The following ZNF680 variants were observed in gnomAD, a reference collection of about 807,000 sequenced individuals.
ZNF680 encodes hypothetical protein FLJ90430.
Under a neutral mutation model 12.1 loss-of-function variants are expected in ZNF680, and 6 were observed. The observed-to-expected ratio is 0.49, with a 90% CI of 0.27 to 0.98. The LOEUF is 0.98. Ranked by LOEUF, ZNF680 falls within the 50% of genes least tolerant of loss-of-function variation. The pLI is 0.12. For synonymous variants in ZNF680, 170 were observed against 199.3 expected (o/e 0.85, Z 1.24); for missense variants, 561 against 616.3 (o/e 0.91, Z 0.95).
At chr7:64,512,227 A>T in the ZNF680 span, among the ~76,000 whole-genome samples, 3 of 152,064 alleles carry the variant, frequency 2.0e-5, no homozygotes, top group East Asian at 1.9e-4. Context: ...AGGCAGGTGG[A>T]TCACAAGGTC....
intron 1 of ZNF680, among the ~76,000 whole-genome samples, chr7:64,545,950 C>A (rs1786764138): frequency 6.6e-6 from 1 of 152,110 alleles, no homozygotes; most frequent in Non-Finnish European, 1.5e-5. Flanking sequence ...TTTAATATTG[C>A]AGATTCTAAA....
At chr7:64,552,770 TTTCA>T (rs1472083642) in intron 1 of ZNF680, among the ~76,000 whole-genome samples, 13 of 152,292 alleles carry the variant, frequency 8.5e-5, no homozygotes, top group African/African-American at 3.1e-4. Flanking sequence ...TGACTAACGG[TTTCA>T]TTCAAAGTAA....
At chr7:64,548,067 A>G (rs539149378) in intron 1 of ZNF680, among the ~76,000 whole-genome samples, 3 of 152,168 alleles carry the variant, frequency 2.0e-5, no homozygotes, top group Non-Finnish European at 4.4e-5. Flanking sequence ...TCTGCTCTCT[A>G]TGCCACTGAG....
chr7:64,535,522 T>A (rs1786118279), intron 3 of ZNF680, among the ~76,000 whole-genome samples: 1 of 152,048 alleles, frequency 6.6e-6, no homozygotes, highest in Non-Finnish European at 1.5e-5. Context: ...ATGTTCTCTA[T>A]ACGAGACTCA....
chr7:64,526,511 TA>T, intron 3 of ZNF680: 1 of 739,560 alleles, frequency 1.4e-6, no homozygotes, highest in Non-Finnish European at 2.1e-6. Context: ...AGCAACACAG[TA>T]AGACTCTGCA....
At chr7:64,528,929 G>A (rs771194262) in intron 3 of ZNF680, among the ~76,000 whole-genome samples, 27 of 152,002 alleles carry the variant, frequency 1.8e-4, no homozygotes, top group South Asian at 1.2e-3. Context: ...TTTCACCCCC[G>A]CTACCACCTC....
chr7:64,535,828 C>T (rs1786136344), intron 3 of ZNF680, among the ~76,000 whole-genome samples: 1 of 151,984 alleles, frequency 6.6e-6, no homozygotes, highest in Non-Finnish European at 1.5e-5. Flanking sequence ...CCTGTAATCC[C>T]AGCTACTCGA....
At chr7:64,524,422 G>A (rs927799373) in intron 3 of ZNF680, among the ~76,000 whole-genome samples, 4 of 151,984 alleles carry the variant, frequency 2.6e-5, no homozygotes, top group Non-Finnish European at 4.4e-5. Context: ...GAGCCACCAC[G>A]CCTGGCTCAC....
chr7:64,530,463 GA>G (rs1156359792), intron 3 of ZNF680, among the ~76,000 whole-genome samples: 1 of 152,030 alleles, frequency 6.6e-6, no homozygotes, highest in Non-Finnish European at 1.5e-5. Context: ...TAAAGGGGTG[GA>G]AAAAAACATT....
In ZNF680 at chr7:64,526,045, A is replaced by C. The variant is rs537955957; in HGVS notation, c.254-3545T>G. 4 of 977,192 alleles carry C rather than the reference A, an allele frequency of 4.1e-6. No individual in the cohort carries two copies. In the African/African-American group the frequency reaches 7.0e-5, roughly 17 times the overall value. The allele number at this position is 977,192 out of a possible 1,614,324, so 60.5% of individuals were successfully genotyped here. On this transcript the variant is annotated intron_variant, in intron 3 of 3. Coordinates refer to ENST00000309683, the MANE Select transcript of ZNF680 (RefSeq NM_178558.5). ...CAATTATAATATAAACTAAAAAACC[A>C]AAACAATTAACTCATGTGAGGTGGC...
the ZNF680 span, among the ~76,000 whole-genome samples, chr7:64,502,086 C>T: frequency 1.4e-5 from 2 of 144,296 alleles, no homozygotes; most frequent in South Asian, 4.3e-4. Flanking sequence ...TTCACTGCAA[C>T]CTCCACTTCC....
the ZNF680 span, among the ~76,000 whole-genome samples, chr7:64,502,015 T>G: frequency 8.2e-6 from 1 of 121,768 alleles, no homozygotes; most frequent in Non-Finnish European, 1.7e-5. Context: ...TTTTTTTTTT[T>G]TTTTCCTGAG....
At chr7:64,527,205 T>C (rs1042881310) in intron 3 of ZNF680, among the ~76,000 whole-genome samples, 7 of 151,952 alleles carry the variant, frequency 4.6e-5, no homozygotes, top group African/African-American at 1.7e-4. Flanking sequence ...GCCATTGCAC[T>C]CCAGCCTGGG....
chr7:64,505,702 T>G, the ZNF680 span, among the ~76,000 whole-genome samples: 1 of 152,154 alleles, frequency 6.6e-6, no homozygotes, highest in African/African-American at 2.4e-5. Context: ...TAATCAGTGT[T>G]GTCTCCTCTG....
At chr7:64,527,470 T>G (rs1192901774) in intron 3 of ZNF680, among the ~76,000 whole-genome samples, 2 of 151,578 alleles carry the variant, frequency 1.3e-5, no homozygotes, top group Non-Finnish European at 2.9e-5. Context: ...CCGAGGAGGG[T>G]GGATCACCCA....
intron 3 of ZNF680, among the ~76,000 whole-genome samples, chr7:64,527,482 G>C (rs547426797): frequency 4.1e-4 from 63 of 152,234 alleles, no homozygotes; most frequent in Non-Finnish European, 7.6e-4. Flanking sequence ...GATCACCCAA[G>C]GTCAGAAGTT....
chr7:64,521,086 T>C lies in ZNF680; in HGVS notation c.*75A>G, dbSNP rs1791502011. On this transcript the variant is annotated 3_prime_UTR_variant, in exon 4 of 4. Transcript: ENST00000309683. ...TACCTACAAGCAAGTGTAACAATCA[T>C]TGGAAGGCTTTGTCAAATTCTTCAC... 1 of 1,426,914 alleles carries C rather than the reference T, an allele frequency of 7.0e-7. No individual in the cohort carries two copies. Among genetic ancestry groups the C allele is most frequent in the Middle Eastern group, 2.1e-4 (1 of 4,786 alleles). The allele number at this position is 1,426,914 out of a possible 1,614,324, so 88.4% of individuals were successfully genotyped here.
chr7:64,519,056 C>T (rs1791413077), downstream of ZNF680, among the ~76,000 whole-genome samples: 1 of 151,846 alleles, frequency 6.6e-6, no homozygotes, highest in African/African-American at 2.4e-5. Flanking sequence ...AACAGACAAC[C>T]CACAGAGTGA....
rs376785617 is a variant in ZNF680 at position 64,563,001 on chromosome 7, G to C, written c.-47C>G. 2 of 1,609,106 alleles carry C rather than the reference G, an allele frequency of 1.2e-6. No homozygotes were observed. Among genetic ancestry groups the C allele is most frequent in the African/African-American group, 1.3e-5 (1 of 74,796 alleles). ...ACCTGCAGATAACGGAGTCACAGAG[G>C]CTGGGCCTCTAGGAGCAGAATACAC... On this transcript the variant is annotated 5_prime_UTR_variant, in exon 1 of 4. Coordinates refer to ENST00000309683, the MANE Select transcript of ZNF680 (RefSeq NM_178558.5).
Sources: allele counts gnomAD v4.1 joint callset (sites outside exome capture counted in the v4.1 genomes callset), GRCh38; gene constraint gnomAD v4.1.1; transcripts MANE v1.5; gene names NCBI Gene and HGNC (gene_info 2026-07-23, HGNC 2026-07-21).